Variants in PCDHGA8 observed in about 807,000 individuals in gnomAD.
The protein encoded by PCDHGA8 is protocadherin gamma-A8.
PCDHGA8 carries 45 observed loss-of-function variants against 59.2 expected under a neutral mutation model. The observed-to-expected ratio is 0.76, with a 90% CI of 0.60 to 0.98. PCDHGA8 has a LOEUF of 0.98. Ranked by LOEUF, PCDHGA8 falls within the 50% of genes least tolerant of loss-of-function variation. The pLI is 0.00. For missense variants in PCDHGA8, 1,257 were observed against 1,196.2 expected (o/e 1.05, Z -0.75); for synonymous variants, 531 against 519.0 (o/e 1.02, Z -0.32).
rs778851755 is a variant in PCDHGA8, at chr5:141,477,795, G to A, written c.2425-17012G>A. ...AGCGTGAACATATTTGTCACTGATC[G>A]CAATGACAATGCCCCCCAGGTCCTA... On this transcript the variant is annotated intron_variant, in intron 1 of 3. Coordinates refer to ENST00000398604, the MANE Select transcript of PCDHGA8 (RefSeq NM_032088.2). This position sits in a 1 kb window ranked among gnomAD's most constrained non-coding sequence, Gnocchi z 4.9. The A allele has an allele frequency of 3.1e-6, 5 of 1,613,946 alleles. No individual in the cohort carries two copies. In the African/African-American group the frequency reaches 6.7e-5, roughly 22 times the overall value.
chr5:141,420,089 A>G lies in PCDHGA8; in HGVS notation c.2424+24852A>G. On this transcript the variant is annotated intron_variant, in intron 1 of 3. Transcript: ENST00000398604. The stretch of plus-strand genomic sequence containing the variant: ...CGGACCTGTGGGTCCCCCCAACTAC[A>G]GTGAGGGAACGTTGCCCTATGCCTA... 2.5e-6 allele frequency: 4 copies of G among 1,613,986 alleles called. No individual in the cohort carries two copies. Among genetic ancestry groups the G allele is most frequent in the Middle Eastern group, 1.6e-4 (1 of 6,062 alleles).
chr5:141,405,279 C>G, intron 1 of PCDHGA8: 1 of 1,614,144 alleles, frequency 6.2e-7, no homozygotes, highest in Non-Finnish European at 8.5e-7. Flanking sequence ...CCCAACTATG[C>G]AGACACACTC....
chr5:141,426,797 C>A (rs1487716495), intron 1 of PCDHGA8: 1 of 456,706 alleles, frequency 2.2e-6, no homozygotes, highest in Non-Finnish European at 4.4e-6. Context: ...GTTACCAGCT[C>A]AGTTCTAATG....
chr5:141,469,499 C>T lies in PCDHGA8; in HGVS notation c.2425-25308C>T, dbSNP rs1023274165. Among the ~76,000 whole-genome samples, 22 of 152,128 alleles carry T rather than the reference C, an allele frequency of 1.4e-4. 1 individual carries two copies. The highest frequency in any genetic ancestry group is 3.9e-4 in the African/African-American group (16 of 41,510). On this transcript the variant is annotated intron_variant, in intron 1 of 3. Coordinates refer to ENST00000398604, the MANE Select transcript of PCDHGA8 (RefSeq NM_032088.2). ...CTGAGGCAGGAGAATCGCTTGAACC[C>T]GGGAGGTGGAGGTTGCAGTGAGCCA...
At position 141,447,140 on chromosome 5, in the gene PCDHGA8, T is replaced by C. The variant is rs770212881; in HGVS notation, c.2425-47667T>C. ...ATGGATTTTTTTGTTTGTTTGTTTT[T>C]TGTTTTTGTTTTTGTTTAAGCGGGG... On this transcript the variant is annotated intron_variant, in intron 1 of 3. Coordinates refer to ENST00000398604, the MANE Select transcript of PCDHGA8 (RefSeq NM_032088.2). Among the ~76,000 whole-genome samples the C allele has an allele frequency of 6.6e-5, 10 of 152,158 alleles. 1 individual carries two copies. Among genetic ancestry groups the C allele is most frequent in the Non-Finnish European group, 1.2e-4 (8 of 68,042 alleles).
chr5:141,405,444 G>A, intron 1 of PCDHGA8: 1 of 1,379,466 alleles, frequency 7.2e-7, no homozygotes, highest in South Asian at 1.3e-5. Flanking sequence ...TTTTGAGACA[G>A]AGTCTTACTC....
Position 141,485,243 on chromosome 5 carries a change from C to A in PCDHGA8, c.2425-9564C>A. ...TACCCTTTTGTTCCTCTTTTACCACCTGGGTTACGTTTGTGGGCAGATCCG... is the reference window on the plus strand; with the variant it reads ...TACCCTTTTGTTCCTCTTTTACCACATGGGTTACGTTTGTGGGCAGATCCG... On this transcript the variant is annotated intron_variant, in intron 1 of 3. Transcript: ENST00000398604. This position sits in a 1 kb window ranked among gnomAD's most constrained non-coding sequence, Gnocchi z 5.7. 1 of 1,614,180 alleles carries A rather than the reference C, an allele frequency of 6.2e-7. No homozygotes were observed. The highest frequency in any genetic ancestry group is 8.5e-7 in the Non-Finnish European group (1 of 1,180,000).
intron 1 of PCDHGA8, chr5:141,413,638 C>T (rs768604791): frequency 4.8e-5 from 78 of 1,613,686 alleles, no homozygotes; most frequent in Middle Eastern, 1.6e-4. Flanking sequence ...TGCGGGAATG[C>T]GTTTTCCTCT....
intron 1 of PCDHGA8, chr5:141,396,613 C>G (rs1283036515): frequency 6.6e-6 from 1 of 151,276 alleles, no homozygotes; most frequent in Non-Finnish European, 1.5e-5. Context: ...GGGTGAGACT[C>G]CGTCTCAAAA....
At chr5:141,467,208 A>G (rs1272958649) in intron 1 of PCDHGA8, among the ~76,000 whole-genome samples, 1 of 152,064 alleles carries the variant, frequency 6.6e-6, no homozygotes, top group East Asian at 1.9e-4. Flanking sequence ...ACATGCCACC[A>G]TGCCTGGCTA....
Position 141,432,151 on chromosome 5 carries a change from C to T in PCDHGA8, c.2424+36914C>T. 2 of 1,614,122 alleles carry T rather than the reference C, an allele frequency of 1.2e-6. No homozygotes were observed. The highest frequency in any genetic ancestry group is 2.2e-5 in the South Asian group (2 of 91,066). ...CCTATTCCGCTTATATCCCAGAGAA[C>T]AATCCCAGAGGAGTTTCCCTCGTCT... On this transcript the variant is annotated intron_variant, in intron 1 of 3. Transcript: ENST00000398604. The surrounding 1 kb of genome is among the most constrained non-coding windows in gnomAD (Gnocchi z 6.0).
At chr5:141,509,322 C>G (rs563556144) in intron 3 of PCDHGA8, among the ~76,000 whole-genome samples, 1 of 152,318 alleles carries the variant, frequency 6.6e-6, no homozygotes, top group East Asian at 1.9e-4. Flanking sequence ...GAGAGAAGCT[C>G]TACTGCCAGC....
At chr5:141,413,639 G>T (rs893578830) in intron 1 of PCDHGA8, 1 of 1,613,736 alleles carries the variant, frequency 6.2e-7, no homozygotes, top group African/African-American at 1.3e-5. Flanking sequence ...GCGGGAATGC[G>T]TTTTCCTCTC....
At chr5:141,409,423 T>C in intron 1 of PCDHGA8, 1 of 1,614,026 alleles carries the variant, frequency 6.2e-7, no homozygotes. Flanking sequence ...TGGTGACAGA[T>C]GGAGCCCTGG....
Position 141,394,436 on chromosome 5 carries a change from C to T in PCDHGA8, c.1623C>T (p.Pro541=). The T allele has an allele frequency of 6.2e-7, 1 of 1,614,234 alleles. No individual in the cohort carries two copies. Among genetic ancestry groups the T allele is most frequent in the South Asian group, 1.1e-5 (1 of 91,086 alleles). ...CAGCCAGCGACAGCGGGGACCCGCC[C>T]CTCAGCAGCAACATGTCACTGAGCC... ...LVTASDSGDP[P]LSSNMSLSLF... is the part of the protein sequence containing the mutation. Residue 541 remains proline (P), a synonymous_variant, in exon 1 of 4, where the codon CCC becomes CCT. Transcript: ENST00000398604.
intron 3 of PCDHGA8, among the ~76,000 whole-genome samples, chr5:141,509,381 C>T (rs181928019): frequency 6.6e-6 from 1 of 152,256 alleles, no homozygotes; most frequent in East Asian, 1.9e-4. Flanking sequence ...TGTCTCCTAA[C>T]CACAGAGGAT....
chr5:141,402,901 T>TG, intron 1 of PCDHGA8: 1 of 1,520,230 alleles, frequency 6.6e-7, no homozygotes, highest in Non-Finnish European at 8.8e-7. Context: ...AAGAACCTGA[T>TG]GAAGCAGCGC....
At chr5:141,433,662 C>T (rs1377052782) in intron 1 of PCDHGA8, among the ~76,000 whole-genome samples, 1 of 151,950 alleles carries the variant, frequency 6.6e-6, no homozygotes, top group Non-Finnish European at 1.5e-5. Context: ...ATGGAGAAAC[C>T]CCGTCTATAC....
chr5:141,405,010 CT>C (rs2094596164), intron 1 of PCDHGA8: 3 of 1,614,014 alleles, frequency 1.9e-6, no homozygotes, highest in Non-Finnish European at 2.5e-6. Context: ...ACCTGGAGGC[CT>C]CAGACCTTAC....
Sources: allele counts gnomAD v4.1 joint callset (sites outside exome capture counted in the v4.1 genomes callset), GRCh38; gene constraint gnomAD v4.1.1; non-coding constraint Gnocchi (gnomAD v3.1); transcripts MANE v1.5; gene names NCBI Gene and HGNC (gene_info 2026-07-23, HGNC 2026-07-21).